The following TMEM80 variants were observed in gnomAD, a reference collection of about 807,000 sequenced individuals.
TMEM80 encodes transmembrane protein 80.
TMEM80 carries 16 observed loss-of-function variants against 13.6 expected under a neutral mutation model. The ratio of observed to expected loss-of-function variants is 1.17; its 90% CI spans 0.79 to 1.78. TMEM80 has a LOEUF of 1.78. Among genes scored for constraint, TMEM80 ranks in the 40% most tolerant of loss-of-function variants. TMEM80 has a pLI of 0.00. For missense variants in TMEM80, 167 were observed against 184.6 expected, an observed-to-expected ratio of 0.90 and a Z score of 0.55; for synonymous variants, 92 against 89.5, an observed-to-expected ratio of 1.03 and a Z score of -0.16.
intron 4 of TMEM80, among the ~76,000 whole-genome samples, 168 bp from the exon 5 acceptor site, chr11:702,777 C>T (rs1466963731): frequency 6.6e-6 from 1 of 152,262 alleles, no homozygotes; most frequent in East Asian, 1.9e-4. Flanking sequence ...CTCTGGCTCT[C>T]CTGAGTTCTG....
intron 4 of TMEM80, among the ~76,000 whole-genome samples, chr11:702,189 G>A (rs550690202): frequency 5.9e-5 from 9 of 152,288 alleles, no homozygotes; most frequent in East Asian, 1.9e-4. Context: ...GGATGGAGGC[G>A]AGTTCTCTCA....
chr11:704,644 T>C (rs1409044090), downstream of TMEM80: 1 of 1,289,054 alleles, frequency 7.8e-7, no homozygotes, highest in Non-Finnish European at 1.0e-6. Flanking sequence ...CCTTCATGGT[T>C]AATGGATCCT....
chr11:698,207 T>C (rs956865706), intron 1 of TMEM80, among the ~76,000 whole-genome samples: 2 of 151,874 alleles, frequency 1.3e-5, no homozygotes, highest in African/African-American at 4.8e-5. Context: ...TCAGCGTGGA[T>C]CCAGGGTGAG....
intron 1 of TMEM80, among the ~76,000 whole-genome samples, chr11:697,124 G>T (rs1342807735): frequency 7.2e-6 from 1 of 138,224 alleles, no homozygotes; most frequent in Non-Finnish European, 1.6e-5. Flanking sequence ...ATTACCTCAG[G>T]GAGCCTGTGG....
At chr11:701,112 T>C (rs1024489382) in intron 4 of TMEM80, 1 of 219,712 alleles carries the variant, frequency 4.6e-6, no homozygotes, top group Non-Finnish European at 9.3e-6. Context: ...GGCAGCAGAG[T>C]CTGGAGGGGT....
At chr11:701,456 G>C (rs1222777658) in intron 4 of TMEM80, among the ~76,000 whole-genome samples, 2 of 140,092 alleles carry the variant, frequency 1.4e-5, no homozygotes, top group African/African-American at 5.3e-5. Flanking sequence ...TGTCGCCCAG[G>C]CTGGAGTGCA....
At chr11:700,047 C>A in intron 2 of TMEM80, 95 bp from the exon 3 acceptor site, 3 of 985,782 alleles carry the variant, frequency 3.0e-6, no homozygotes, top group South Asian at 1.4e-5. Flanking sequence ...TGTCTGTGGC[C>A]ACCAAACAGA....
Position 698,980 on chromosome 11 carries a change from A to C in TMEM80, c.39+92A>C, listed in dbSNP as rs991884905. 4.8e-6 allele frequency: 7 copies of C among 1,472,378 alleles called. No individual in the cohort carries two copies. In the African/African-American group the frequency reaches 9.7e-5, roughly 20 times the overall value. 91.2% of individuals were successfully genotyped at this position (1,472,378 alleles called of 1,614,324 possible). Reference sequence around the variant, plus strand: ...TCGGCCTCACCCCACGTTTTCCCTAAGTTCTGTCTAGTAATTCCACTTTGG... The same window carrying C: ...TCGGCCTCACCCCACGTTTTCCCTACGTTCTGTCTAGTAATTCCACTTTGG... On this transcript the variant is annotated intron_variant, in intron 2 of 4. Transcript: ENST00000397510.
chr11:701,645 C>A (rs7121166), intron 4 of TMEM80, among the ~76,000 whole-genome samples: 4 of 151,922 alleles, frequency 2.6e-5, no homozygotes, highest in East Asian at 1.9e-4. Context: ...TCCTGACCTC[C>A]TGATCCGCCC....
chr11:703,901 A>C lies in TMEM80; in HGVS notation c.*751A>C. 8.1e-7 allele frequency: 1 copy of C among 1,240,082 alleles called. No individual in the cohort carries two copies. Among genetic ancestry groups the C allele is most frequent in the Non-Finnish European group, 1.0e-6 (1 of 993,640 alleles). The allele number at this position is 1,240,082 out of a possible 1,614,324, so 76.8% of individuals were successfully genotyped here. The stretch of plus-strand genomic sequence containing the variant: ...AGCCTCCGTCCACTCCAGTTTTATC[A>C]GCTTTTGCCTTTTGCACGGAGTGCT... On this transcript the variant is annotated 3_prime_UTR_variant, in exon 5 of 5. Transcript: ENST00000397510.
chr11:701,232 T>G (rs1861448019), intron 4 of TMEM80: 1 of 167,556 alleles, frequency 6.0e-6, no homozygotes, highest in African/African-American at 2.4e-5. Context: ...CAGGCTGGAG[T>G]GCAGTGGTGC....
At chr11:698,307 G>A (rs981529746) in intron 1 of TMEM80, among the ~76,000 whole-genome samples, 2 of 152,190 alleles carry the variant, frequency 1.3e-5, no homozygotes, top group Admixed American at 6.5e-5. Flanking sequence ...TCTCTCAGGT[G>A]GGGGTGGGAG....
chr11:704,021 A>G lies in TMEM80; in HGVS notation c.*871A>G, dbSNP rs1861616201. 8.4e-7 allele frequency: 1 copy of G among 1,194,060 alleles called. No homozygotes were observed. Among genetic ancestry groups the G allele is most frequent in the Non-Finnish European group, 1.0e-6 (1 of 962,952 alleles). 74.0% of individuals were successfully genotyped at this position (1,194,060 alleles called of 1,614,324 possible). On this transcript the variant is annotated 3_prime_UTR_variant, in exon 5 of 5. Coordinates refer to ENST00000397510, the MANE Select transcript of TMEM80 (RefSeq NM_001042463.3). Reference sequence around the variant, plus strand: ...AAGCTGTTACAGTAGCTTTCCCTTCACTTGATTCTATTGTGTGTTTTCTAT... The same window carrying G: ...AAGCTGTTACAGTAGCTTTCCCTTCGCTTGATTCTATTGTGTGTTTTCTAT...
chr11:700,406 A>G (rs766573888), intron 3 of TMEM80, among the ~76,000 whole-genome samples, 171 bp downstream of exon 3: 1 of 151,994 alleles, frequency 6.6e-6, no homozygotes, highest in Admixed American at 6.6e-5. Context: ...GGGCGCCTGT[A>G]GTCCCAGCTA....
chr11:703,539 A>G lies in TMEM80; in HGVS notation c.*389A>G. 1.6e-6 allele frequency: 2 copies of G among 1,234,062 alleles called. No individual in the cohort carries two copies. The highest frequency in any genetic ancestry group is 2.0e-6 in the Non-Finnish European group (2 of 989,732). The allele number at this position is 1,234,062 out of a possible 1,614,324, so 76.4% of individuals were successfully genotyped here. A position where few individuals can be genotyped will look rare whatever the true frequency, so the allele number is the denominator to read the frequency against. ...GAGGCCTCATCTCACTGCATCCCCC[A>G]TCACCCCCTAGTTCCCCAATGGTCC... On this transcript the variant is annotated 3_prime_UTR_variant, in exon 5 of 5. Transcript: ENST00000397510.
intron 4 of TMEM80, among the ~76,000 whole-genome samples, chr11:701,371 T>G (rs371340760): frequency 2.4e-4 from 31 of 130,430 alleles, no homozygotes; most frequent in Non-Finnish European, 4.8e-4. Context: ...TTTTGTTTTG[T>G]TTTGTTTTTT....
At position 702,955 on chromosome 11, in the gene TMEM80, C is replaced by G; in HGVS notation, c.237C>G (p.Gly79=). 1 of 1,608,016 alleles carries G rather than the reference C, an allele frequency of 6.2e-7. No homozygotes were observed. Residue 79 remains glycine, a synonymous_variant, in exon 5 of 5, where the codon GGC becomes GGG. Transcript: ENST00000397510. ...TGCTCTGTTCTCCAGGCACCAGGGG[C>G]AACCTGACAGAGGCTGAGAGGCCGC... ...EAVRLYLGTR[G]NLTEAERPLA...
chr11:696,037 C>T (rs1314556774), intron 1 of TMEM80, among the ~76,000 whole-genome samples, 191 bp downstream of exon 1: 1 of 152,016 alleles, frequency 6.6e-6, no homozygotes, highest in Non-Finnish European at 1.5e-5. Flanking sequence ...GTCCTGCACC[C>T]CGAAGAGCTC....
At chr11:695,678 C>T, upstream of TMEM80, 2 of 1,243,356 alleles carry the variant, frequency 1.6e-6, no homozygotes, top group Non-Finnish European at 2.0e-6. Context: ...ACGGACTAAT[C>T]GGGCCTCGGC....
Sources: gnomAD v4.1 joint callset for allele counts (sites outside exome capture counted in the v4.1 genomes callset) on GRCh38, gnomAD v4.1.1 for gene constraint, MANE v1.5 for transcripts, NCBI Gene and HGNC (gene_info 2026-07-23, HGNC 2026-07-21) for gene names.